Variants in CTIF observed in about 807,000 individuals in gnomAD.
CTIF encodes CBP80/20-dependent translation initiation factor.
A neutral mutation model predicts 66.0 loss-of-function variants in CTIF; 21 were observed. The observed-to-expected ratio is 0.32, with a 90% CI of 0.23 to 0.46. The LOEUF (loss-of-function observed/expected upper bound fraction) is 0.46, where lower values mean the gene tolerates loss of function less well. CTIF is among the 20% of genes least tolerant of loss of function. The probability of loss-of-function intolerance (pLI) is 1.00; values close to 1 mark genes in which losing one functional copy is unlikely to be tolerated. For synonymous variants in CTIF, 345 were observed against 326.4 expected (o/e 1.06, Z -0.62); for missense variants, 739 against 812.7 (o/e 0.91, Z 1.10).
chr18:48,610,243 G>C (rs2090281474), intron 1 of CTIF, among the ~76,000 whole-genome samples: 1 of 152,206 alleles, frequency 6.6e-6, no homozygotes, highest in Non-Finnish European at 1.5e-5. Flanking sequence ...GTGTCACCAG[G>C]CAGCCTGGGT....
At position 48,673,918 on chromosome 18, in the gene CTIF, T is replaced by A. The variant is rs527557001; in HGVS notation, c.507+3174T>A. 5.4e-4 allele frequency among the ~76,000 whole-genome samples: 83 copies of A among 152,324 alleles called. 1 individual carries two copies. Among genetic ancestry groups the A allele is most frequent in the African/African-American group, 2.0e-3 (83 of 41,584 alleles). On this transcript the variant is annotated intron_variant, in intron 6 of 11. Coordinates refer to ENST00000256413, the MANE Select transcript of CTIF (RefSeq NM_014772.3). ...AAAGATTGGACACCCCTGCTGTATG[T>A]CTTAAATGCTTTGGCCCAGAAATAT...
rs1263528907 is a variant in CTIF at position 48,859,839 on chromosome 18, G to A, written c.*280G>A. 1.8e-5 allele frequency: 11 copies of A among 609,852 alleles called. No homozygotes were observed. The highest frequency in any genetic ancestry group is 8.5e-5 in the Admixed American group (4 of 46,980). 37.8% of individuals were successfully genotyped at this position (609,852 alleles called of 1,614,324 possible). Reference sequence around the variant, plus strand: ...CCTGGCCCTCCCCTTCCTCACTCCCGCCTCTCCCCTCCCCATCAGACCCAT... The same window carrying A: ...CCTGGCCCTCCCCTTCCTCACTCCCACCTCTCCCCTCCCCATCAGACCCAT... On this transcript the variant is annotated 3_prime_UTR_variant, in exon 12 of 12. Coordinates refer to ENST00000256413, the MANE Select transcript of CTIF (RefSeq NM_014772.3).
At chr18:48,819,784 C>T (rs1194806070) in intron 10 of CTIF, among the ~76,000 whole-genome samples, 2 of 152,166 alleles carry the variant, frequency 1.3e-5, no homozygotes, top group East Asian at 1.9e-4. Flanking sequence ...TAACTAGGGC[C>T]GGGCTGCAGC....
chr18:48,745,779 C>CCAG (rs2092590693), intron 7 of CTIF, among the ~76,000 whole-genome samples: 5 of 152,226 alleles, frequency 3.3e-5, no homozygotes, highest in Non-Finnish European at 7.3e-5. Flanking sequence ...AAGAAACTAT[C>CCAG]TGCTGGGGAG....
At chr18:48,540,973 C>T (rs1343908998) in intron 1 of CTIF, among the ~76,000 whole-genome samples, 1 of 152,152 alleles carries the variant, frequency 6.6e-6, no homozygotes, top group South Asian at 2.1e-4. Flanking sequence ...AGTCACACAG[C>T]CCCTCCCTCC....
chr18:48,651,936 G>A (rs953155455), intron 3 of CTIF, among the ~76,000 whole-genome samples: 3 of 152,138 alleles, frequency 2.0e-5, no homozygotes, highest in African/African-American at 7.2e-5. Flanking sequence ...AAGACACAAC[G>A]TACCAGAATC....
chr18:48,729,092 C>T (rs764742264), intron 7 of CTIF, among the ~76,000 whole-genome samples: 6 of 152,222 alleles, frequency 3.9e-5, no homozygotes, highest in Non-Finnish European at 8.8e-5. Flanking sequence ...TCTGCGCTTC[C>T]ATCCTTCCTG....
intron 3 of CTIF, among the ~76,000 whole-genome samples, chr18:48,661,467 AG>A (rs1049415722): frequency 4.6e-5 from 7 of 151,998 alleles, no homozygotes; most frequent in African/African-American, 1.7e-4. Flanking sequence ...GAGGCCCAGG[AG>A]GGGGGTGTGA....
intron 7 of CTIF, among the ~76,000 whole-genome samples, chr18:48,750,527 G>A (rs1008716046): frequency 5.3e-5 from 8 of 152,208 alleles, no homozygotes; most frequent in African/African-American, 1.4e-4. Context: ...AACAATCCCC[G>A]AGCCCTGCCC....
intron 7 of CTIF, among the ~76,000 whole-genome samples, chr18:48,722,614 A>G (rs2092349307): frequency 6.6e-6 from 1 of 151,384 alleles, no homozygotes; most frequent in Non-Finnish European, 1.5e-5. Flanking sequence ...AGGTGTAAGC[A>G]CCCGGCCGTA....
intron 6 of CTIF, among the ~76,000 whole-genome samples, chr18:48,696,333 T>G (rs1375803384): frequency 1.3e-5 from 2 of 152,122 alleles, no homozygotes; most frequent in African/African-American, 4.8e-5. Context: ...TATAACCCAG[T>G]AGAGGCCATT....
chr18:48,754,155 C>T (rs1908111464), intron 7 of CTIF, among the ~76,000 whole-genome samples: 1 of 152,200 alleles, frequency 6.6e-6, no homozygotes, highest in African/African-American at 2.4e-5. Context: ...CAGTTATCAC[C>T]ACCGAGGTCT....
intron 10 of CTIF, among the ~76,000 whole-genome samples, chr18:48,854,227 G>A (rs1385097471): frequency 6.6e-6 from 1 of 152,100 alleles, no homozygotes; most frequent in African/African-American, 2.4e-5. Context: ...GAGTGCCTGG[G>A]AGTGAGAAGC....
intron 1 of CTIF, among the ~76,000 whole-genome samples, chr18:48,558,578 G>A (rs753498716): frequency 8.5e-5 from 13 of 152,266 alleles, no homozygotes; most frequent in African/African-American, 2.9e-4. Context: ...GTAATTTCGA[G>A]TCACAAAAAG....
intron 1 of CTIF, chr18:48,567,655 T>A (rs1191258768): frequency 1.3e-5 from 2 of 152,236 alleles, no homozygotes; most frequent in Non-Finnish European, 2.9e-5. Context: ...GGTGTCTCCA[T>A]GCTAGTCAGA....
At chr18:48,666,265 C>T (rs1013329465) in intron 5 of CTIF, among the ~76,000 whole-genome samples, 2 of 152,194 alleles carry the variant, frequency 1.3e-5, no homozygotes, top group African/African-American at 2.4e-5. Flanking sequence ...TATCCTACAT[C>T]TCACATGTCT....
chr18:48,691,993 T>G (rs2091932861), intron 6 of CTIF, among the ~76,000 whole-genome samples: 1 of 152,220 alleles, frequency 6.6e-6, no homozygotes, highest in African/African-American at 2.4e-5. Context: ...GCAATTCTTG[T>G]GCTTCAGCCT....
At chr18:48,841,740 TC>T (rs1244973872) in intron 10 of CTIF, among the ~76,000 whole-genome samples, 1 of 151,680 alleles carries the variant, frequency 6.6e-6, no homozygotes, top group East Asian at 2.0e-4. Context: ...GCGCTCACTG[TC>T]TCCTCAGCCG....
intron 9 of CTIF, among the ~76,000 whole-genome samples, chr18:48,769,308 A>G (rs973819654): frequency 1.3e-5 from 2 of 152,202 alleles, no homozygotes; most frequent in African/African-American, 4.8e-5. Context: ...GCTCCCCTCC[A>G]CTAGTTGCTA....
Sources: gnomAD v4.1 joint callset for allele counts (sites outside exome capture counted in the v4.1 genomes callset) on GRCh38, gnomAD v4.1.1 for gene constraint, MANE v1.5 for transcripts, NCBI Gene and HGNC (gene_info 2026-07-23, HGNC 2026-07-21) for gene names.